The following RPH3A variants were observed in gnomAD, a reference collection of about 807,000 sequenced individuals.
RPH3A encodes the protein rabphilin-3A.
RPH3A carries 48 observed loss-of-function variants against 102.2 expected under a neutral mutation model. The observed-to-expected ratio is 0.47, with a 90% CI of 0.37 to 0.60. The LOEUF (loss-of-function observed/expected upper bound fraction) is 0.60. RPH3A is among the 20% of genes least tolerant of loss of function. RPH3A has a pLI of 0.00. For synonymous variants in RPH3A, 310 were observed against 324.3 expected (o/e 0.96, Z 0.47); for missense variants, 781 against 910.1 (o/e 0.86, Z 1.83).
intron 1 of RPH3A, among the ~76,000 whole-genome samples, chr12:112,670,336 C>T (rs1398185479): frequency 1.3e-5 from 2 of 152,130 alleles, no homozygotes; most frequent in African/African-American, 2.4e-5. Context: ...GTGTGCACCA[C>T]CATGCTCAGC....
Position 112,772,817 on chromosome 12 carries a change from A to C in RPH3A, c.-139-19326A>C, listed in dbSNP as rs2040936115. ...ACGTTCTTTAGTGGTGATTTGTGAG[A>C]TTTTGGTTCACTCATCTCCCGAGCA... On this transcript the variant is annotated intron_variant, in intron 1 of 21. Coordinates refer to the RPH3A transcript ENST00000543106. Among the ~76,000 whole-genome samples the C allele has an allele frequency of 5.3e-5, 8 of 151,826 alleles. No individual in the cohort carries two copies. In the South Asian group the frequency reaches 1.7e-3, roughly 32 times the overall value.
rs528387761 is a variant in RPH3A at position 112,802,987 on chromosome 12, C to A, written c.-19+10724C>A. On this transcript the variant is annotated intron_variant, in intron 2 of 21. Transcript: ENST00000389385. ...GCTCCAGCGGCTGGAAGTGGGAGTC[C>A]TTGAGTGGCCAGAGAGGCCCCCAGA... is the stretch of plus-strand genomic sequence containing the variant. Among the ~76,000 whole-genome samples, 3 of 152,118 alleles carry A rather than the reference C, an allele frequency of 2.0e-5. No homozygotes were observed. In the South Asian group the frequency reaches 6.2e-4, roughly 32 times the overall value.
chr12:112,592,073 A>G (rs1275932685), intron 1 of RPH3A, among the ~76,000 whole-genome samples: 1 of 152,124 alleles, frequency 6.6e-6, no homozygotes, highest in South Asian at 2.1e-4. Flanking sequence ...TGCTATGTAA[A>G]TAGTTGTTAT....
intron 10 of RPH3A, among the ~76,000 whole-genome samples, chr12:112,871,764 A>G (rs2042712906): frequency 6.7e-6 from 1 of 149,400 alleles, no homozygotes; most frequent in Non-Finnish European, 1.5e-5. Flanking sequence ...ATATAGAAAC[A>G]GTATATATAA....
chr12:112,840,199 A>G (rs910227087), intron 4 of RPH3A, among the ~76,000 whole-genome samples: 2 of 152,030 alleles, frequency 1.3e-5, no homozygotes, highest in Admixed American at 1.3e-4. Context: ...AATTTTTTTG[A>G]CATAAAATAG....
At chr12:112,792,673 A>AC (rs2041145747) in intron 2 of RPH3A, among the ~76,000 whole-genome samples, 1 of 152,064 alleles carries the variant, frequency 6.6e-6, no homozygotes, top group Non-Finnish European at 1.5e-5. Flanking sequence ...CCTGGAGGGG[A>AC]GGGGGTCACC....
chr12:112,778,047 A>G (rs1358574591), intron 1 of RPH3A, among the ~76,000 whole-genome samples: 1 of 152,234 alleles, frequency 6.6e-6, no homozygotes, highest in Non-Finnish European at 1.5e-5. Context: ...AGAGCGTAAC[A>G]AATTTATTGA....
At chr12:112,871,680 T>G (rs899194542) in intron 10 of RPH3A, among the ~76,000 whole-genome samples, 3 of 151,196 alleles carry the variant, frequency 2.0e-5, no homozygotes, top group Non-Finnish European at 4.4e-5. Flanking sequence ...ATACACAATA[T>G]TCTATTGTGT....
chr12:112,746,144 C>T (rs1193923401), intron 1 of RPH3A, among the ~76,000 whole-genome samples: 2 of 152,064 alleles, frequency 1.3e-5, no homozygotes, highest in Admixed American at 1.3e-4. Context: ...TTCTTACCTT[C>T]TTTCATCCCT....
intron 13 of RPH3A, among the ~76,000 whole-genome samples, chr12:112,878,862 C>T (rs2042855088): frequency 6.6e-6 from 1 of 152,204 alleles, no homozygotes; most frequent in African/African-American, 2.4e-5. Flanking sequence ...CTATTGCCCT[C>T]ATGGGGTTCT....
At chr12:112,607,460 G>A (rs1426430635) in intron 1 of RPH3A, among the ~76,000 whole-genome samples, 2 of 152,038 alleles carry the variant, frequency 1.3e-5, no homozygotes, top group Non-Finnish European at 2.9e-5. Context: ...AATCTAAAAG[G>A]GCATATTAAA....
chr12:112,875,825 G>A (rs767615487), intron 12 of RPH3A, 84 bp downstream of exon 12: 26 of 1,275,846 alleles, frequency 2.0e-5, no homozygotes, highest in Middle Eastern at 2.1e-4. Flanking sequence ...CTGCCAGAAC[G>A]TGACTCAGCC....
intron 1 of RPH3A, among the ~76,000 whole-genome samples, chr12:112,721,318 A>G (rs183185590): frequency 3.1e-4 from 47 of 152,326 alleles, no homozygotes; most frequent in African/African-American, 1.1e-3. Flanking sequence ...TGAATCTCCA[A>G]ATATGCCTAG....
chr12:112,845,813 A>G (rs2042219215), intron 4 of RPH3A, among the ~76,000 whole-genome samples: 2 of 152,240 alleles, frequency 1.3e-5, no homozygotes, highest in Non-Finnish European at 2.9e-5. Flanking sequence ...GGCAATAAAT[A>G]TATAACAAGA....
At chr12:112,851,234 C>T (rs2136195012) in intron 5 of RPH3A, among the ~76,000 whole-genome samples, 1 of 152,232 alleles carries the variant, frequency 6.6e-6, no homozygotes, top group South Asian at 2.1e-4. Flanking sequence ...GAAACCGAAG[C>T]TTAGAGAGTT....
intron 1 of RPH3A, among the ~76,000 whole-genome samples, chr12:112,638,337 G>C (rs946539471): frequency 1.3e-5 from 2 of 152,092 alleles, no homozygotes; most frequent in African/African-American, 4.8e-5. Flanking sequence ...AGGTATTCCT[G>C]TCTAGCAACA....
At position 112,822,054 on chromosome 12, in the gene RPH3A, A is replaced by G. The variant is rs184766531; in HGVS notation, c.-18-6247A>G. Among the ~76,000 whole-genome samples, 134 of 152,124 alleles carry G rather than the reference A, an allele frequency of 8.8e-4. 2 individuals carry two copies. The East Asian group carries it at 0.014, about 15-fold the overall frequency. ...TTCATGGACACTCGTGCTTCCCCCA[A>G]TGTGAGGCCCTTTTGTTAAAGTACA... On this transcript the variant is annotated intron_variant, in intron 2 of 21. Transcript: ENST00000389385.
At position 112,883,391 on chromosome 12, in the gene RPH3A, G is replaced by A. The variant is rs775550029; in HGVS notation, c.1425G>A (p.Arg475=). 1 of 1,613,702 alleles carries A rather than the reference G, an allele frequency of 6.2e-7. No homozygotes were observed. The highest frequency in any genetic ancestry group is 1.3e-5 in the African/African-American group (1 of 75,032). Residue 475 remains arginine (R), a synonymous_variant, in exon 16 of 22, where the codon AGG becomes AGA. Transcript: ENST00000389385. ...YHGITDEDMQ[R]KTLRISVCDE... is the part of the protein sequence containing the mutation. ...GCATCACCGATGAGGACATGCAAAG[G>A]AAGACCCTCAGGTACCTGGCAGGCA...
intron 1 of RPH3A, among the ~76,000 whole-genome samples, chr12:112,731,654 G>A (rs964937779): frequency 6.6e-6 from 1 of 152,098 alleles, no homozygotes; most frequent in Non-Finnish European, 1.5e-5. Context: ...GTGCCATCTC[G>A]TCCTTCCTCT....
Sources: gnomAD v4.1 joint callset for allele counts (sites outside exome capture counted in the v4.1 genomes callset) on GRCh38, gnomAD v4.1.1 for gene constraint, MANE v1.5 for transcripts, NCBI Gene and HGNC (gene_info 2026-07-23, HGNC 2026-07-21) for gene names.